PCDH15: variants seen among roughly 807,000 people sequenced by gnomAD.
The protein encoded by PCDH15 is protocadherin-15.
In PCDH15, 129 loss-of-function variants were observed where a neutral mutation model predicts 178.5. The ratio of observed to expected loss-of-function variants is 0.72; its 90% CI spans 0.63 to 0.84. The LOEUF (loss-of-function observed/expected upper bound fraction) is 0.84. Among genes scored for constraint, PCDH15 ranks in the 40% least tolerant of loss-of-function variants. The probability of loss-of-function intolerance (pLI) is 0.00; values close to 1 mark genes in which losing one functional copy is unlikely to be tolerated. For missense variants in PCDH15, 2,230 were observed against 2,099.9 expected (o/e 1.06, Z -1.21); for synonymous variants, 800 against 732.0 (o/e 1.09, Z -1.50).
At chr10:55,383,707 A>G (rs1484273876) in intron 2 of PCDH15, among the ~76,000 whole-genome samples, 2 of 152,176 alleles carry the variant, frequency 1.3e-5, no homozygotes, top group Admixed American at 1.3e-4. Flanking sequence ...TAGTTTTGAT[A>G]TGTATCTCTT....
At chr10:55,398,180 A>AG (rs2132021657) in intron 2 of PCDH15, among the ~76,000 whole-genome samples, 1 of 152,092 alleles carries the variant, frequency 6.6e-6, no homozygotes, top group East Asian at 1.9e-4. Flanking sequence ...CAAAAAAAAA[A>AG]AAATCCCTTA....
intron 2 of PCDH15, among the ~76,000 whole-genome samples, chr10:55,017,692 T>C (rs969514924): frequency 2.6e-5 from 4 of 152,090 alleles, no homozygotes; most frequent in Admixed American, 2.6e-4. Context: ...ATTCAATAAA[T>C]TATTATCTAG....
chr10:55,211,676 T>G (rs2132171279), intron 1 of PCDH15, among the ~76,000 whole-genome samples: 1 of 152,158 alleles, frequency 6.6e-6, no homozygotes, highest in Middle Eastern at 3.4e-3. Flanking sequence ...ATATTAACAT[T>G]TTCAGATTAA....
chr10:54,310,100 T>C (rs1339533652), intron 8 of PCDH15, among the ~76,000 whole-genome samples: 4 of 152,048 alleles, frequency 2.6e-5, no homozygotes, highest in Non-Finnish European at 5.9e-5. Context: ...CAGGGTCATA[T>C]GTGATGTTCT....
intron 13 of PCDH15, among the ~76,000 whole-genome samples, chr10:54,168,244 T>C (rs1244062038): frequency 6.6e-6 from 1 of 152,190 alleles, no homozygotes; most frequent in Non-Finnish European, 1.5e-5. Flanking sequence ...GCAAACGGTC[T>C]GAGGTGCCTG....
chr10:53,940,839 G>T, intron 24 of PCDH15, 27 bp downstream of exon 24: 1 of 1,501,946 alleles, frequency 6.7e-7, no homozygotes, highest in Non-Finnish European at 9.3e-7. Flanking sequence ...GGTTGATGGT[G>T]AGAACACAAA....
At position 54,148,688 on chromosome 10, in the gene PCDH15, C is replaced by T. The variant is rs573261682; in HGVS notation, c.1784+4412G>A. On this transcript the variant is annotated intron_variant, in intron 14 of 37. Coordinates refer to ENST00000644397, the MANE Select transcript of PCDH15 (RefSeq NM_001384140.1). ...TGTCCTCACCCAAGCCATGTGCACC[C>T]CTATTGACATCAACATGACGTCACC... 2.6e-5 allele frequency among the ~76,000 whole-genome samples: 4 copies of T among 152,054 alleles called. No homozygotes were observed. The South Asian group carries it at 8.3e-4, about 32-fold the overall frequency.
chr10:54,226,020 G>A, intron 9 of PCDH15, among the ~76,000 whole-genome samples: 1 of 152,154 alleles, frequency 6.6e-6, no homozygotes, highest in East Asian at 1.9e-4. Flanking sequence ...TACTGACAGT[G>A]AGAAAGAAAG....
chr10:55,498,581 T>C (rs964160691), intron 2 of PCDH15, among the ~76,000 whole-genome samples: 4 of 151,918 alleles, frequency 2.6e-5, no homozygotes, highest in African/African-American at 9.7e-5. Context: ...CAATACTCAA[T>C]TGTATCTTTG....
Position 55,626,901 on chromosome 10 carries a change from C to T in PCDH15, c.-156+724G>A, listed in dbSNP as rs573509276. 2.6e-3 allele frequency among the ~76,000 whole-genome samples: 402 copies of T among 152,100 alleles called. 1 individual carries two copies. Among genetic ancestry groups the T allele is most frequent in the South Asian group, 0.014 (68 of 4,816 alleles). On this transcript the variant is annotated intron_variant, in intron 2 of 5. Coordinates refer to the PCDH15 transcript ENST00000613346. ...CTGTATATTGCAAAAGTGTTCCATT[C>T]TCTCTAAATTCACATTATATTTATT...
chr10:54,961,736 T>A (rs998728129), intron 2 of PCDH15, among the ~76,000 whole-genome samples: 4 of 152,176 alleles, frequency 2.6e-5, no homozygotes, highest in Non-Finnish European at 5.9e-5. Flanking sequence ...CTCTTTGGGA[T>A]GACCTGCCTG....
chr10:55,555,677 C>A (rs1291813688), intron 2 of PCDH15, among the ~76,000 whole-genome samples: 1 of 152,026 alleles, frequency 6.6e-6, no homozygotes, highest in Non-Finnish European at 1.5e-5. Context: ...TATCTTTGAA[C>A]TTCTGCAATC....
At chr10:54,245,034 A>G (rs994600355) in intron 8 of PCDH15, among the ~76,000 whole-genome samples, 2 of 152,180 alleles carry the variant, frequency 1.3e-5, no homozygotes, top group Non-Finnish European at 2.9e-5. Context: ...GTCAAATCAC[A>G]ATTCTATCTA....
At chr10:55,221,071 AGAAT>A (rs1564904868) in intron 1 of PCDH15, among the ~76,000 whole-genome samples, 1 of 152,148 alleles carries the variant, frequency 6.6e-6, no homozygotes, top group Non-Finnish European at 1.5e-5. Flanking sequence ...AGCAATGAAA[AGAAT>A]CAAGTCCCTA....
chr10:54,911,410 G>C (rs1417237468), intron 2 of PCDH15, among the ~76,000 whole-genome samples: 2 of 152,092 alleles, frequency 1.3e-5, no homozygotes, highest in Non-Finnish European at 2.9e-5. Context: ...GACATGCTTA[G>C]ATATACAGGT....
intron 1 of PCDH15, among the ~76,000 whole-genome samples, chr10:54,768,739 T>C (rs1181197699): frequency 6.6e-6 from 1 of 152,148 alleles, no homozygotes; most frequent in Non-Finnish European, 1.5e-5. Context: ...TTATCACATA[T>C]AGCATGAAAC....
rs569568923 is a variant in PCDH15, at chr10:54,791,477, C to T, written c.-29+9448G>A. 6.6e-5 allele frequency among the ~76,000 whole-genome samples: 10 copies of T among 151,958 alleles called. No homozygotes were observed. In the South Asian group the frequency reaches 1.9e-3, roughly 28 times the overall value. Reference sequence around the variant, plus strand: ...CTCTTCTTTTCTTAAAATTTAAGGTCCACAGACCTTTTCTTTTCTTAAAAT... The same window carrying T: ...CTCTTCTTTTCTTAAAATTTAAGGTTCACAGACCTTTTCTTTTCTTAAAAT... On this transcript the variant is annotated intron_variant, in intron 1 of 37. Coordinates refer to ENST00000644397, the MANE Select transcript of PCDH15 (RefSeq NM_001384140.1).
intron 21 of PCDH15, among the ~76,000 whole-genome samples, chr10:53,972,304 CTTAGATG>C (rs2089778995): frequency 7.0e-6 from 1 of 143,002 alleles, no homozygotes; most frequent in Admixed American, 7.1e-5. Context: ...GGATTAAAGA[CTTAGATG>C]TTAGACCTAA....
intron 2 of PCDH15, among the ~76,000 whole-genome samples, chr10:55,074,766 C>T (rs1021546630): frequency 3.9e-5 from 6 of 151,934 alleles, no homozygotes; most frequent in African/African-American, 9.7e-5. Context: ...TTGCTTTTGG[C>T]GATTTCCTCA....
Sources: gnomAD v4.1 joint callset for allele counts (sites outside exome capture counted in the v4.1 genomes callset) on GRCh38, gnomAD v4.1.1 for gene constraint, MANE v1.5 for transcripts, NCBI Gene and HGNC (gene_info 2026-07-23, HGNC 2026-07-21) for gene names.